The following MGAM2 variants were observed in gnomAD, a reference collection of about 807,000 sequenced individuals.
MGAM2 encodes probable maltase-glucoamylase 2.
MGAM2 carries 98 observed loss-of-function variants against 96.1 expected under a neutral mutation model. The ratio of observed to expected loss-of-function variants is 1.02; its 90% confidence interval spans 0.87 to 1.21. MGAM2 has a LOEUF of 1.21. Among genes scored for constraint, MGAM2 ranks in the 50% most tolerant of loss-of-function variants. The pLI is 0.00. For missense variants in MGAM2, 2,055 were observed against 1,182.4 expected (o/e 1.74, Z -10.82); for synonymous variants, 749 against 414.8 (o/e 1.81, Z -9.79).
At chr7:142,195,121 A>C (rs1197759698) in intron 37 of MGAM2, among the ~76,000 whole-genome samples, 1 of 151,928 alleles carries the variant, frequency 6.6e-6, no homozygotes, top group Admixed American at 6.6e-5. Flanking sequence ...TGGATCCCAG[A>C]TCTGCCTCCT....
At chr7:142,154,707 T>G (rs1795684243) in intron 16 of MGAM2, 22 bp from the exon 17 acceptor site, 2 of 702,858 alleles carry the variant, frequency 2.8e-6, no homozygotes, top group Admixed American at 2.0e-5. Context: ...CCACAGTGCT[T>G]GTATGTGTGC....
At chr7:142,166,304 C>T (rs1387923104) in intron 25 of MGAM2, 51 bp downstream of exon 25, 2 of 639,456 alleles carry the variant, frequency 3.1e-6, no homozygotes, top group African/African-American at 1.8e-5. Context: ...AATTAGGCAC[C>T]TAGAAAACAC....
chr7:142,168,967 A>G (rs1796111478), intron 26 of MGAM2, among the ~76,000 whole-genome samples: 1 of 152,136 alleles, frequency 6.6e-6, no homozygotes. Flanking sequence ...AGCTGTAGCC[A>G]TTGCTTTCCA....
At position 142,221,364 on chromosome 7, in the gene MGAM2, A is replaced by T; in HGVS notation, c.6853A>T (p.Thr2285Ser). Residue 2285 changes from threonine to serine, a missense_variant, in exon 48 of 48, where the codon ACT becomes TCT. Physicochemically the swap from Thr to Ser is moderately conservative, Grantham distance 58. Coordinates refer to ENST00000477922, the MANE Select transcript of MGAM2 (RefSeq NM_001293626.2). ...TGATGCTACTACTACAAGTAATAATACTAATCCTGGCATGACTACTTATTA... is the reference window on the plus strand; with the variant it reads ...TGATGCTACTACTACAAGTAATAATTCTAATCCTGGCATGACTACTTATTA... ...STDATTTSNN[T>S]NPGMTTYYQT... 3.2e-6 allele frequency: 2 copies of T among 616,920 alleles called. No homozygotes were observed. 38.2% of individuals were successfully genotyped at this position (616,920 alleles called of 1,614,324 possible). A position where few individuals can be genotyped will look rare whatever the true frequency, so the allele number is the denominator to read the frequency against.
At chr7:142,152,280 C>T (rs972490645) in intron 15 of MGAM2, among the ~76,000 whole-genome samples, 5 of 151,936 alleles carry the variant, frequency 3.3e-5, no homozygotes, top group Non-Finnish European at 7.4e-5. Flanking sequence ...TGGTTTCACT[C>T]TGTGTAAGCT....
intron 34 of MGAM2, 62 bp downstream of exon 34, chr7:142,185,201 A>G: frequency 1.5e-6 from 1 of 687,342 alleles, no homozygotes; most frequent in Admixed American, 2.1e-5. Context: ...TACATTTTTT[A>G]TCCTGATGAA....
intron 6 of MGAM2, among the ~76,000 whole-genome samples, chr7:142,132,879 T>A (rs1435951432): frequency 7.7e-6 from 1 of 129,552 alleles, no homozygotes. Flanking sequence ...TTAAATATAA[T>A]ATATAATATA....
At chr7:142,170,032 G>T (rs1221507686) in intron 26 of MGAM2, 43 bp from the exon 27 acceptor site, 3 of 679,206 alleles carry the variant, frequency 4.4e-6, no homozygotes, top group African/African-American at 1.8e-5. Context: ...GGGGTTTTAG[G>T]TCTGAGACCC....
intron 20 of MGAM2, among the ~76,000 whole-genome samples, chr7:142,159,848 G>A (rs1795837064): frequency 6.6e-6 from 1 of 152,144 alleles, no homozygotes; most frequent in African/African-American, 2.4e-5. Flanking sequence ...TATCAACCTG[G>A]CTATTGTGTA....
intron 27 of MGAM2, 180 bp from the exon 28 acceptor site, chr7:142,171,092 T>C (rs946475133): frequency 3.1e-6 from 2 of 641,782 alleles, no homozygotes; most frequent in South Asian, 1.7e-5. Context: ...AAATCTAACA[T>C]GGAACTTTGG....
chr7:142,114,165 A>AGAAAGAAAGAAG, intron 1 of MGAM2, among the ~76,000 whole-genome samples: 1 of 105,900 alleles, frequency 9.4e-6, no homozygotes, highest in Non-Finnish European at 1.7e-5. Flanking sequence ...AAAGAAAGAA[A>AGAAAGAAAGAAG]GAAAGAAAGA....
Position 142,222,022 on chromosome 7 carries a change from A to T in MGAM2, c.7511A>T (p.Tyr2504Phe). 2.5e-6 allele frequency: 1 copy of T among 398,400 alleles called. No homozygotes were observed. Among genetic ancestry groups the T allele is most frequent in the Non-Finnish European group, 4.4e-6 (1 of 225,866 alleles). 24.7% of individuals were successfully genotyped at this position (398,400 alleles called of 1,614,324 possible). The part of the protein sequence containing the change: ...TVHTSATAPT[Y>F]IANAINATQV... ...CATACCTCTGCTACTGCACCTACTTATATTGCAAATGCCATAAATGCTACT... is the reference window on the plus strand; with the variant it reads ...CATACCTCTGCTACTGCACCTACTTTTATTGCAAATGCCATAAATGCTACT... The change falls in exon 48 of 48, where the codon TAT becomes TTT. Residue 2504 changes from tyrosine (Y) to phenylalanine (F), a missense_variant. Physicochemically the swap from Tyr to Phe is conservative, Grantham distance 22 (BLOSUM62 3). Transcript: ENST00000477922.
At position 142,143,814 on chromosome 7, in the gene MGAM2, T is replaced by A. The variant is rs1188836890; in HGVS notation, c.1363T>A (p.Cys455Ser). 1.4e-6 allele frequency: 1 copy of A among 701,684 alleles called. No individual in the cohort carries two copies. The highest frequency in any genetic ancestry group is 2.6e-6 in the Non-Finnish European group (1 of 384,250). The allele number at this position is 701,684 out of a possible 1,614,324, so 43.5% of individuals were successfully genotyped here. A position where few individuals can be genotyped will look rare whatever the true frequency, so the allele number is the denominator to read the frequency against. The stretch of plus-strand genomic sequence containing the variant: ...CTTTCCCGATTATACCAATCCAGTA[T>A]GCACTGAGTGGTGGACAGATCAGGT... ...TVFPDYTNPV[C>S]TEWWTDQVAK... Residue 455 changes from cysteine to serine, a missense_variant, in exon 13 of 48, where the codon TGC (cysteine) becomes AGC (serine). Transcript: ENST00000477922.
chr7:142,122,576 G>T (rs912142635), intron 3 of MGAM2, among the ~76,000 whole-genome samples: 89 of 152,262 alleles, frequency 5.8e-4, no homozygotes, highest in African/African-American at 2.1e-3. Flanking sequence ...CTCCACCTTA[G>T]TTTAGTTTTG....
chr7:142,132,306 A>G (rs1794912598), intron 6 of MGAM2, among the ~76,000 whole-genome samples: 3 of 147,048 alleles, frequency 2.0e-5, no homozygotes, highest in African/African-American at 7.4e-5. Context: ...TAAGTTATAT[A>G]ATTTTATATA....
chr7:142,156,521 G>GT (rs1795742015), intron 17 of MGAM2, among the ~76,000 whole-genome samples: 1 of 152,188 alleles, frequency 6.6e-6, no homozygotes, highest in South Asian at 2.1e-4. Flanking sequence ...AAAATGGAAA[G>GT]TTTACTTCCT....
Position 142,173,275 on chromosome 7 carries a change from A to C in MGAM2, c.3608A>C (p.His1203Pro). 1.4e-6 allele frequency: 1 copy of C among 703,192 alleles called. No individual in the cohort carries two copies. The highest frequency in any genetic ancestry group is 2.6e-6 in the Non-Finnish European group (1 of 384,940). The allele number at this position is 703,192 out of a possible 1,614,324, so 43.6% of individuals were successfully genotyped here. ...ATTCCATACTGGGCCTTGGGATTCC[A>C]TCTGAGTCGCTATGGATACCAGAAT... ...AMIPYWALGF[H>P]LSRYGYQNDA... Residue 1203 changes from histidine (H) to proline (P), a missense_variant, in exon 31 of 48, where the codon CAT becomes CCT. Transcript: ENST00000477922.
chr7:142,203,504 A>G (rs1366629328), intron 45 of MGAM2, among the ~76,000 whole-genome samples: 1 of 152,138 alleles, frequency 6.6e-6, no homozygotes, highest in Non-Finnish European at 1.5e-5. Context: ...ACTATTCTAA[A>G]ATTCCTATGG....
Position 142,187,900 on chromosome 7 carries a change from C to T in MGAM2, c.4207+66C>T, listed in dbSNP as rs1796749078. On this transcript the variant is annotated intron_variant, in intron 36 of 47. Transcript: ENST00000477922. ...AAAGACTCCAAAAGTTTTCCTTTTA[C>T]TGTCAAAGTGAAGCCTAATGTTGAA... 7.4e-6 allele frequency: 5 copies of T among 676,494 alleles called. No individual in the cohort carries two copies. The Admixed American group carries it at 1.0e-4, about 14-fold the overall frequency. 41.9% of individuals were successfully genotyped at this position (676,494 alleles called of 1,614,324 possible).
Sources: gnomAD v4.1 joint callset for allele counts (sites outside exome capture counted in the v4.1 genomes callset) on GRCh38, gnomAD v4.1.1 for gene constraint, MANE v1.5 for transcripts, NCBI Gene and HGNC (gene_info 2026-07-23, HGNC 2026-07-21) for gene names.